Variants in ALS2 observed in about 807,000 individuals in gnomAD.
The protein encoded by ALS2 is alsin Rho guanine nucleotide exchange factor ALS2.
Under a neutral mutation model 203.4 loss-of-function variants are expected in ALS2, and 117 were observed. The observed-to-expected ratio is 0.58, with a 90% CI of 0.50 to 0.67. The LOEUF is 0.67. ALS2 is among the 30% of genes least tolerant of loss of function. The pLI is 0.00. For missense variants in ALS2, 1,715 were observed against 1,989.4 expected (o/e 0.86, Z 2.62); for synonymous variants, 718 against 725.9 (o/e 0.99, Z 0.17).
chr2:201,773,597 CAA>C lies in ALS2; in HGVS notation c.-60-4654_-60-4653del, dbSNP rs531294623. ...AAGTTCAAGATGTCTGTGAGAAACC[CAA>C]GAGTACATATTAAGTGAATAGCTGA... On this transcript the variant is annotated intron_variant, in intron 1 of 33. Transcript: ENST00000264276. Among the ~76,000 whole-genome samples, 72 of 152,152 alleles carry C rather than the reference CAA, an allele frequency of 4.7e-4. No homozygotes were observed. The East Asian group carries it at 0.011, about 24-fold the overall frequency.
chr2:201,741,447 A>AT, intron 11 of ALS2: 1 of 503,718 alleles, frequency 2.0e-6, no homozygotes, highest in Non-Finnish European at 3.6e-6. Context: ...CTCTGCTAGA[A>AT]TATAGAAGAA....
chr2:201,780,674 C>A lies in ALS2; in HGVS notation c.-61+203G>T, dbSNP rs543885379. 5.4e-3 allele frequency among the ~76,000 whole-genome samples: 829 copies of A among 152,354 alleles called. 7 individuals carry two copies. The highest frequency in any genetic ancestry group is 0.019 in the African/African-American group (806 of 41,590). On this transcript the variant is annotated intron_variant, in intron 1 of 33. Coordinates refer to ENST00000264276, the MANE Select transcript of ALS2 (RefSeq NM_020919.4). ...GGGCCAAGGCAGGGGCCGCCTCGGG[C>A]GCTGCTGGACCGGCAGGAGCAGTCG...
intron 13 of ALS2, among the ~76,000 whole-genome samples, chr2:201,730,117 G>T (rs1259247140): frequency 6.6e-6 from 1 of 152,122 alleles, no homozygotes; most frequent in Non-Finnish European, 1.5e-5. Flanking sequence ...AATAAATGTG[G>T]ATATTCTCCT....
intron 33 of ALS2, among the ~76,000 whole-genome samples, chr2:201,702,751 A>G (rs1689467115): frequency 6.6e-6 from 1 of 152,220 alleles, no homozygotes; most frequent in Non-Finnish European, 1.5e-5. Flanking sequence ...TAACATAAAC[A>G]CTAATAATCT....
intron 31 of ALS2, 45 bp downstream of exon 31, chr2:201,705,094 A>G (rs1474298583): frequency 1.5e-5 from 23 of 1,559,956 alleles, no homozygotes; most frequent in Non-Finnish European, 1.9e-5. Context: ...TAATAGACCA[A>G]GCACTACTTT....
chr2:201,767,430 A>G (rs375781761), intron 2 of ALS2, 47 bp from the exon 3 acceptor site: 64 of 1,599,780 alleles, frequency 4.0e-5, no homozygotes, highest in Middle Eastern at 1.7e-4. Flanking sequence ...AATTCAGAAC[A>G]GTATCCTTTG....
chr2:201,730,780 T>C (rs2106017345), intron 13 of ALS2, among the ~76,000 whole-genome samples: 1 of 152,344 alleles, frequency 6.6e-6, no homozygotes, highest in South Asian at 2.1e-4. Context: ...TAACAGGACA[T>C]TCTTAAGCGA....
At chr2:201,722,959 C>T in intron 23 of ALS2, 84 bp downstream of exon 23, 1 of 1,110,566 alleles carries the variant, frequency 9.0e-7, no homozygotes, top group Non-Finnish European at 1.3e-6. Flanking sequence ...AATTTTATGG[C>T]ATGTAAATCA....
chr2:201,725,557 A>ACATT, intron 19 of ALS2, 103 bp from the exon 20 acceptor site: 1 of 980,274 alleles, frequency 1.0e-6, no homozygotes, highest in Non-Finnish European at 1.6e-6. Context: ...GACAGAGAAA[A>ACATT]CATTCACCTG....
intron 13 of ALS2, 144 bp downstream of exon 13, chr2:201,733,130 TCA>T (rs2106023448): frequency 1.1e-6 from 1 of 918,718 alleles, no homozygotes; most frequent in Non-Finnish European, 1.6e-6. Context: ...CTTTCCTCTG[TCA>T]TTTCCCTGAA....
chr2:201,700,728 T>C lies in ALS2; in HGVS notation c.*1123A>G, dbSNP rs879504252. The C allele has an allele frequency of 3.9e-5, 6 of 152,650 alleles. No homozygotes were observed. The highest frequency in any genetic ancestry group is 8.8e-5 in the Non-Finnish European group (6 of 68,042). 9.5% of individuals were successfully genotyped at this position (152,650 alleles called of 1,614,324 possible). On this transcript the variant is annotated 3_prime_UTR_variant, in exon 34 of 34. Coordinates refer to ENST00000264276, the MANE Select transcript of ALS2 (RefSeq NM_020919.4). ...ACACAAATCAGGACACTCTGTATGC[T>C]CACCACGGTGTAGGAGATGAGATGA...
At chr2:201,766,476 T>C (rs1489753821) in intron 3 of ALS2, among the ~76,000 whole-genome samples, 1 of 151,324 alleles carries the variant, frequency 6.6e-6, no homozygotes, top group African/African-American at 2.4e-5. Flanking sequence ...TGAAACCCCA[T>C]CTCTACTAAA....
intron 3 of ALS2, among the ~76,000 whole-genome samples, chr2:201,764,634 AAAATAAATAAATAAATAAAT>A (rs201734315): frequency 2.0e-4 from 29 of 142,250 alleles, no homozygotes; most frequent in African/African-American, 5.0e-4. Flanking sequence ...ACTCCGTCTC[AAAATAAATAAATAAATAAAT>A]AAATAAATAA....
chr2:201,777,397 G>A (rs1263288306), intron 1 of ALS2, among the ~76,000 whole-genome samples: 1 of 152,104 alleles, frequency 6.6e-6, no homozygotes, highest in African/African-American at 2.4e-5. Flanking sequence ...GGAAAGAAGA[G>A]TTCTTTTTCC....
chr2:201,744,489 A>T (rs1692496147), intron 9 of ALS2, 60 bp from the exon 10 acceptor site: 1 of 1,536,600 alleles, frequency 6.5e-7, no homozygotes, highest in Non-Finnish European at 8.9e-7. Flanking sequence ...CTAATTTGGT[A>T]TACTGAAGCT....
At chr2:201,742,794 G>C (rs143092873) in intron 10 of ALS2, among the ~76,000 whole-genome samples, 1 of 152,144 alleles carries the variant, frequency 6.6e-6, no homozygotes, top group African/African-American at 2.4e-5. Context: ...TGGGCAGGCC[G>C]GGCACGGTGG....
At chr2:201,773,597 C>G (rs1694518270) in intron 1 of ALS2, among the ~76,000 whole-genome samples, 1 of 152,036 alleles carries the variant, frequency 6.6e-6, no homozygotes, top group Non-Finnish European at 1.5e-5. Context: ...GTGAGAAACC[C>G]AAGAGTACAT....
In ALS2 at chr2:201,707,938, G is replaced by A; in HGVS notation, c.4334C>T (p.Pro1445Leu). ...EEGSTIPLSA[P>L]LPTERKSFCT... is the part of the protein sequence containing the mutation. ...AAAAGACTTCCTTTCGGTTGGCAGAGGAGCAGAGAGAGGAATTGTGCTGCC... is the reference window on the plus strand; with the variant it reads ...AAAAGACTTCCTTTCGGTTGGCAGAAGAGCAGAGAGAGGAATTGTGCTGCC... Residue 1445 changes from proline to leucine, a missense_variant, in exon 28 of 34, where the codon CCT becomes CTT. By Grantham distance (98) the Pro-to-Leu change is moderately conservative. Around this residue, in one of 3 missense-constraint regions of ALS2, gnomAD observed 1,227 missense variants for 1,413.5 expected, o/e 0.87. Transcript: ENST00000264276. 2 of 1,613,532 alleles carry A rather than the reference G, an allele frequency of 1.2e-6. No homozygotes were observed. The highest frequency in any genetic ancestry group is 1.7e-6 in the Non-Finnish European group (2 of 1,179,636).
chr2:201,724,080 T>C (rs1690994208), intron 21 of ALS2, among the ~76,000 whole-genome samples: 1 of 151,926 alleles, frequency 6.6e-6, no homozygotes, highest in African/African-American at 2.4e-5. Context: ...ATCGCACCAC[T>C]CCAGCCTGGG....
Sources: allele counts gnomAD v4.1 joint callset (sites outside exome capture counted in the v4.1 genomes callset), GRCh38; gene constraint gnomAD v4.1.1; regional missense constraint gnomAD v4.1.1; transcripts MANE v1.5; gene names NCBI Gene and HGNC (gene_info 2026-07-23, HGNC 2026-07-21).